GIPC2: variants seen among roughly 807,000 people sequenced by gnomAD.
The protein encoded by GIPC2 is PDZ domain-containing protein GIPC2.
GIPC2 carries 30 observed loss-of-function variants against 30.6 expected under a neutral mutation model. The observed-to-expected ratio is 0.98, with a 90% CI of 0.73 to 1.33. The LOEUF (loss-of-function observed/expected upper bound fraction) is 1.33. GIPC2 is among the 40% of genes most tolerant of loss of function. The pLI is 0.00. For synonymous variants in GIPC2, 167 were observed against 150.0 expected (o/e 1.11, Z -0.83); for missense variants, 414 against 390.3 (o/e 1.06, Z -0.51).
intron 3 of GIPC2, among the ~76,000 whole-genome samples, chr1:78,104,241 A>G (rs796951136): frequency 2.0e-5 from 3 of 152,138 alleles, no homozygotes; most frequent in African/African-American, 7.2e-5. Flanking sequence ...TACATTCAGA[A>G]TTGTGGAGTA....
intron 1 of GIPC2, among the ~76,000 whole-genome samples, chr1:78,070,491 T>A (rs1231833910): frequency 6.6e-6 from 1 of 151,776 alleles, no homozygotes; most frequent in African/African-American, 2.4e-5. Flanking sequence ...CTCAGGTATC[T>A]CCTCTGAGTG....
chr1:78,049,439 C>T (rs1323261661), intron 1 of GIPC2, among the ~76,000 whole-genome samples: 6 of 152,264 alleles, frequency 3.9e-5, no homozygotes, highest in East Asian at 1.9e-4. Context: ...TGAACCACCA[C>T]GCCCAGCCCT....
intron 4 of GIPC2, among the ~76,000 whole-genome samples, chr1:78,120,956 C>T (rs1300707124): frequency 6.6e-6 from 1 of 152,184 alleles, no homozygotes; most frequent in African/African-American, 2.4e-5. Context: ...CTCCTTTGCT[C>T]ACATGTCTTG....
chr1:78,081,582 C>A (rs970678356), intron 2 of GIPC2, among the ~76,000 whole-genome samples: 5 of 152,090 alleles, frequency 3.3e-5, no homozygotes, highest in African/African-American at 9.7e-5. Flanking sequence ...ACCAATCCCC[C>A]ATGGATACCC....
At chr1:78,099,366 T>C (rs926478929) in intron 3 of GIPC2, among the ~76,000 whole-genome samples, 7 of 151,942 alleles carry the variant, frequency 4.6e-5, no homozygotes, top group Admixed American at 6.6e-5. Context: ...TAAAATATAC[T>C]GGATGTGTAA....
chr1:78,095,447 G>A (rs1662120965), intron 3 of GIPC2, among the ~76,000 whole-genome samples: 2 of 152,136 alleles, frequency 1.3e-5, no homozygotes, highest in Non-Finnish European at 2.9e-5. Flanking sequence ...TTTTCATTTT[G>A]CTGAGCAGTA....
chr1:78,091,719 C>T (rs1352794052), intron 2 of GIPC2: 16 of 774,474 alleles, frequency 2.1e-5, no homozygotes, highest in Non-Finnish European at 3.9e-5. Context: ...TATTTGGTAG[C>T]CTTTGCATAC....
intron 1 of GIPC2, among the ~76,000 whole-genome samples, chr1:78,049,602 T>C (rs1661157790): frequency 6.6e-6 from 1 of 152,282 alleles, no homozygotes; most frequent in African/African-American, 2.4e-5. Context: ...CTAGCCACTC[T>C]TTATTGAGGA....
intron 1 of GIPC2, among the ~76,000 whole-genome samples, chr1:78,047,817 T>G (rs1027641263): frequency 1.3e-5 from 2 of 152,236 alleles, no homozygotes; most frequent in Non-Finnish European, 2.9e-5. Flanking sequence ...TACCTAACAG[T>G]TAAATGAAGG....
intron 2 of GIPC2, among the ~76,000 whole-genome samples, chr1:78,085,825 C>A (rs1422806016): frequency 6.7e-6 from 1 of 150,208 alleles, no homozygotes; most frequent in East Asian, 1.9e-4. Context: ...CTTTATTAGT[C>A]TAGCTAGTGG....
chr1:78,046,683 T>C (rs868514544), intron 1 of GIPC2, among the ~76,000 whole-genome samples: 16 of 152,128 alleles, frequency 1.1e-4, no homozygotes, highest in Admixed American at 7.9e-4. Flanking sequence ...ACTCGAGATC[T>C]GGCGGGGCAG....
intron 1 of GIPC2, among the ~76,000 whole-genome samples, chr1:78,065,806 A>C (rs148725051): frequency 6.6e-6 from 1 of 152,178 alleles, no homozygotes; most frequent in Non-Finnish European, 1.5e-5. Flanking sequence ...AGGATTCCCT[A>C]TTCAATAAAT....
At chr1:78,098,705 G>A (rs984292396) in intron 3 of GIPC2, among the ~76,000 whole-genome samples, 1 of 151,570 alleles carries the variant, frequency 6.6e-6, no homozygotes, top group Non-Finnish European at 1.5e-5. Flanking sequence ...TTGTAGATAG[G>A]GGCTTTAAAG....
intron 1 of GIPC2, among the ~76,000 whole-genome samples, chr1:78,055,303 C>T (rs1661268294): frequency 6.6e-6 from 1 of 152,140 alleles, no homozygotes; most frequent in Non-Finnish European, 1.5e-5. Flanking sequence ...AATACCGTCA[C>T]CTGGTAGGAG....
Position 78,125,881 on chromosome 1 carries a change from C to G in GIPC2, c.715C>G (p.Pro239Ala). The G allele has an allele frequency of 1.3e-6, 2 of 1,534,286 alleles. No homozygotes were observed. The highest frequency in any genetic ancestry group is 1.8e-6 in the Non-Finnish European group (2 of 1,108,006). The change falls in exon 5 of 6, where the codon CCT (proline) becomes GCT (alanine). Residue 239 changes from proline to alanine, a missense_variant and splice_region_variant. Pro to Ala is a conservative substitution (Grantham distance 27, BLOSUM62 -1). Coordinates refer to ENST00000370759, the MANE Select transcript of GIPC2 (RefSeq NM_017655.6). ...CTTATTTCTCTCTTTTTTGATAAAG[C>G]CTTCTGAAACCAAAGCAAAGGCAAT... ...SKGPATVEEM[P>A]SETKAKAIEK... is the part of the protein sequence containing the mutation.
chr1:78,126,018 G>A (rs1662775966), intron 5 of GIPC2, 56 bp downstream of exon 5: 4 of 806,842 alleles, frequency 5.0e-6, no homozygotes, highest in Admixed American at 3.9e-5. Flanking sequence ...TAATGTTTAT[G>A]TCTTGTTTAT....
At chr1:78,119,354 T>C (rs771150840) in intron 3 of GIPC2, 39 bp from the exon 4 acceptor site, 2 of 1,079,014 alleles carry the variant, frequency 1.9e-6, no homozygotes. Flanking sequence ...TGGGATGCTT[T>C]CTGTGTATAT....
At chr1:78,104,094 C>G (rs1002468183) in intron 3 of GIPC2, among the ~76,000 whole-genome samples, 1 of 150,204 alleles carries the variant, frequency 6.7e-6, no homozygotes, top group African/African-American at 2.5e-5. Context: ...CCTTTTGAAG[C>G]CTGGGAGATG....
intron 1 of GIPC2, among the ~76,000 whole-genome samples, chr1:78,052,210 T>G (rs1571471035): frequency 6.6e-6 from 1 of 152,236 alleles, no homozygotes; most frequent in Non-Finnish European, 1.5e-5. Flanking sequence ...AGGCTAGCAC[T>G]GATCATCTCT....
Sources: allele counts gnomAD v4.1 joint callset (sites outside exome capture counted in the v4.1 genomes callset), GRCh38; gene constraint gnomAD v4.1.1; transcripts MANE v1.5; gene names NCBI Gene and HGNC (gene_info 2026-07-23, HGNC 2026-07-21).